The following FER1L6 variants were observed in gnomAD, a reference collection of about 807,000 sequenced individuals.
FER1L6 encodes fer-1 like family member 6.
Under a neutral mutation model 219.2 loss-of-function variants are expected in FER1L6, and 177 were observed. The ratio of observed to expected loss-of-function variants is 0.81; its 90% CI spans 0.71 to 0.91. The LOEUF is 0.91. Ranked by LOEUF, FER1L6 falls within the 40% of genes least tolerant of loss-of-function variation. The probability of loss-of-function intolerance (pLI) is 0.00; values close to 1 mark genes in which losing one functional copy is unlikely to be tolerated. For missense variants in FER1L6, 2,153 were observed against 2,259.9 expected, an observed-to-expected ratio of 0.95 and a Z score of 0.96; for synonymous variants, 768 against 824.3, an observed-to-expected ratio of 0.93 and a Z score of 1.17.
At position 123,976,014 on chromosome 8, in the gene FER1L6, C is replaced by A; in HGVS notation, c.800C>A (p.Thr267Asn). The change falls in exon 9 of 41, where the codon ACC (threonine) becomes AAC (asparagine). Residue 267 changes from threonine (T) to asparagine (N), a missense_variant. By Grantham distance (65) the Thr-to-Asn change is moderately conservative. Coordinates refer to ENST00000522917, the MANE Select transcript of FER1L6 (RefSeq NM_001039112.2). ...AATTCAAGCATCATGGCGAACGTCA[C>A]CAAGGCATTTGTGGGTGACAGTAAG... ...KMNSSIMANV[T>N]KAFVGDSKDL... 6.2e-7 allele frequency: 1 copy of A among 1,614,100 alleles called. No homozygotes were observed. Among genetic ancestry groups the A allele is most frequent in the Non-Finnish European group, 8.5e-7 (1 of 1,179,986 alleles).
chr8:123,884,900 T>C (rs1817171996), intron 1 of FER1L6, among the ~76,000 whole-genome samples: 1 of 152,196 alleles, frequency 6.6e-6, no homozygotes, highest in South Asian at 2.1e-4. Context: ...AATGGAACTC[T>C]ATTTGAAAAT....
intron 20 of FER1L6, among the ~76,000 whole-genome samples, chr8:124,042,340 A>G (rs59462187): frequency 0.013 from 1,928 of 152,340 alleles, 51 homozygotes; most frequent in African/African-American, 0.041. Flanking sequence ...GTTAATAATA[A>G]TAGCTGCTAT....
At chr8:124,052,997 G>C (rs946879185) in intron 22 of FER1L6, among the ~76,000 whole-genome samples, 7 of 152,212 alleles carry the variant, frequency 4.6e-5, no homozygotes, top group African/African-American at 1.7e-4. Context: ...GGTAAAGGTG[G>C]TCGTGGAATG....
chr8:123,933,192 T>A (rs1813844798), intron 1 of FER1L6, among the ~76,000 whole-genome samples: 1 of 152,202 alleles, frequency 6.6e-6, no homozygotes, highest in Non-Finnish European at 1.5e-5. Context: ...CACTAAAGGA[T>A]GTCCCCAAAG....
At chr8:123,880,490 A>G (rs1175770581) in intron 1 of FER1L6, among the ~76,000 whole-genome samples, 1 of 152,160 alleles carries the variant, frequency 6.6e-6, no homozygotes, top group Non-Finnish European at 1.5e-5. Flanking sequence ...CAGAGAAGAG[A>G]ACTTACTTGC....
intron 39 of FER1L6, among the ~76,000 whole-genome samples, chr8:124,115,787 G>A (rs1823221866): frequency 6.6e-6 from 1 of 152,202 alleles, no homozygotes; most frequent in Non-Finnish European, 1.5e-5. Flanking sequence ...GACTTAAAGA[G>A]AGCAGGTGAC....
At chr8:124,011,646 AC>A (rs1310205869) in intron 14 of FER1L6, among the ~76,000 whole-genome samples, 3 of 139,488 alleles carry the variant, frequency 2.2e-5, no homozygotes, top group Non-Finnish European at 4.6e-5. Flanking sequence ...ACCATGCCTG[AC>A]TTTTTTTTTT....
intron 13 of FER1L6, among the ~76,000 whole-genome samples, chr8:124,010,099 C>G (rs1299251697): frequency 6.6e-6 from 1 of 151,262 alleles, no homozygotes; most frequent in African/African-American, 2.4e-5. Context: ...AGCTGGCAAC[C>G]CGTGGAGGAG....
At chr8:124,009,997 C>T (rs966209854) in intron 13 of FER1L6, among the ~76,000 whole-genome samples, 1,248 of 143,442 alleles carry the variant, frequency 8.7e-3, no homozygotes, top group East Asian at 0.039. Flanking sequence ...TGCAAGCTGG[C>T]GACCCGGGGA....
chr8:124,003,326 C>T lies in FER1L6; in HGVS notation c.1679C>T (p.Pro560Leu). 2 of 1,613,206 alleles carry T rather than the reference C, an allele frequency of 1.2e-6. No individual in the cohort carries two copies. Among genetic ancestry groups the T allele is most frequent in the African/African-American group, 1.3e-5 (1 of 74,976 alleles). The change falls in exon 13 of 41, where the codon CCA (proline) becomes CTA (leucine). Residue 560 changes from proline (P) to leucine (L), a missense_variant. Pro to Leu is a moderately conservative substitution (Grantham distance 98, BLOSUM62 -3). Transcript: ENST00000522917. ...PMASTTHPEK[P>L]LVTEGNRNYN... ...GCCTCCACCACTCACCCGGAGAAGC[C>T]ACTGGTGACAGAAGGGAACAGGTAG...
At chr8:124,061,441 GA>G (rs1406809785) in intron 24 of FER1L6, among the ~76,000 whole-genome samples, 2 of 152,076 alleles carry the variant, frequency 1.3e-5, no homozygotes, top group Non-Finnish European at 2.9e-5. Context: ...GGCCACCAGG[GA>G]AAACAGGTGG....
chr8:123,982,687 T>C (rs1477018353), intron 11 of FER1L6, among the ~76,000 whole-genome samples: 1 of 152,232 alleles, frequency 6.6e-6, no homozygotes, highest in Non-Finnish European at 1.5e-5. Context: ...GCTCAGTGGT[T>C]CTGCCTCAGG....
At chr8:123,951,246 C>T (rs148507221) in intron 1 of FER1L6, among the ~76,000 whole-genome samples, 1 of 152,220 alleles carries the variant, frequency 6.6e-6, no homozygotes, top group Non-Finnish European at 1.5e-5. Flanking sequence ...AAATCACACC[C>T]TAGGGGATGG....
At chr8:123,879,561 G>A (rs1586436252) in intron 1 of FER1L6, among the ~76,000 whole-genome samples, 1 of 152,064 alleles carries the variant, frequency 6.6e-6, no homozygotes, top group East Asian at 1.9e-4. Flanking sequence ...TCCTGACCTC[G>A]TGATCCGCCC....
At chr8:124,062,063 T>C (rs1240426159) in intron 25 of FER1L6, 31 bp downstream of exon 25, 1 of 1,611,456 alleles carries the variant, frequency 6.2e-7, no homozygotes, top group Non-Finnish European at 8.5e-7. Flanking sequence ...TTTGTAGCTG[T>C]AACTATAAAG....
In FER1L6 at chr8:124,112,572, T is replaced by C. The variant is rs112884094; in HGVS notation, c.5290-6272T>C. On this transcript the variant is annotated intron_variant, in intron 39 of 40. Transcript: ENST00000522917. The stretch of plus-strand genomic sequence containing the variant: ...AAGAGACAAAGATTAAAACATTTAT[T>C]TTACAAGTTAATCCCACAAATGGAC... 6.4e-3 allele frequency among the ~76,000 whole-genome samples: 979 copies of C among 152,152 alleles called. 7 individuals carry two copies. The highest frequency in any genetic ancestry group is 0.018 in the African/African-American group (751 of 41,576).
chr8:124,035,373 A>G lies in FER1L6; in HGVS notation c.2383A>G (p.Asn795Asp). 2 of 1,614,086 alleles carry G rather than the reference A, an allele frequency of 1.2e-6. No homozygotes were observed. The highest frequency in any genetic ancestry group is 1.7e-6 in the Non-Finnish European group (2 of 1,179,978). The change falls in exon 19 of 41, where the codon AAC becomes GAC. Residue 795 changes from asparagine (N) to aspartate (D), a missense_variant. By Grantham distance (23) the Asn-to-Asp change is conservative (BLOSUM62 1). Transcript: ENST00000522917. Reference sequence around the variant, plus strand: ...CAAGCATGCCAGTGCCATTTTGGACAACTTGCCAGTAGGCTATGAAGCAGA... The same window carrying G: ...CAAGCATGCCAGTGCCATTTTGGACGACTTGCCAGTAGGCTATGAAGCAGA... ...SIKHASAILD[N>D]LPVGYEAEMS... is the part of the protein sequence containing the mutation.
chr8:124,035,444 G>T lies in FER1L6; in HGVS notation c.2454G>T (p.Leu818=). The T allele has an allele frequency of 1.2e-6, 2 of 1,612,604 alleles. No homozygotes were observed. Among genetic ancestry groups the T allele is most frequent in the South Asian group, 1.1e-5 (1 of 90,944 alleles). ...GAGTNHPPSN[L]LYQEQHVFQL... The stretch of plus-strand genomic sequence containing the variant: ...GCACCAATCACCCCCCATCTAACCT[G>T]CTCTACCAAGGTAGGGTCCCCACTG... Residue 818 remains leucine, a synonymous_variant, in exon 19 of 41, where the codon CTG becomes CTT. Coordinates refer to ENST00000522917, the MANE Select transcript of FER1L6 (RefSeq NM_001039112.2).
In FER1L6 at chr8:123,980,407, G is replaced by A; in HGVS notation, c.1064-58G>A. The A allele has an allele frequency of 2.9e-6, 4 of 1,357,996 alleles. No individual in the cohort carries two copies. In the East Asian group the frequency reaches 9.2e-5, roughly 31 times the overall value. The allele number at this position is 1,357,996 out of a possible 1,614,324, so 84.1% of individuals were successfully genotyped here. A position where few individuals can be genotyped will look rare whatever the true frequency, so the allele number is the denominator to read the frequency against. On this transcript the variant is annotated intron_variant, in intron 10 of 40. Coordinates refer to ENST00000522917, the MANE Select transcript of FER1L6 (RefSeq NM_001039112.2). ...ATATTCTACATTTTGAAATGAATGT[G>A]TGCAACTTTTATAAAGCAAAAACAT...
Sources: gnomAD v4.1 joint callset for allele counts (sites outside exome capture counted in the v4.1 genomes callset) on GRCh38, gnomAD v4.1.1 for gene constraint, MANE v1.5 for transcripts, NCBI Gene and HGNC (gene_info 2026-07-23, HGNC 2026-07-21) for gene names.